Variants in IKBIP observed in about 807,000 individuals in gnomAD.
IKBIP encodes the protein IKBKB interacting protein, also known as inhibitor of nuclear factor kappa-B kinase-interacting protein.
In IKBIP, 28 loss-of-function variants were observed where a neutral mutation model predicts 31.0. The ratio of observed to expected loss-of-function variants is 0.90; its 90% CI spans 0.67 to 1.24. The LOEUF (loss-of-function observed/expected upper bound fraction) is 1.24. Ranked by LOEUF, IKBIP falls within the 50% of genes most tolerant of loss-of-function variation. The pLI is 0.00. For missense variants in IKBIP, 453 were observed against 441.9 expected (o/e 1.03, Z -0.23); for synonymous variants, 164 against 160.3 (o/e 1.02, Z -0.17).
At chr12:98,623,560 C>CTT (rs35433597), downstream of IKBIP, among the ~76,000 whole-genome samples, 4,523 of 63,212 alleles carry the variant, frequency 0.072, no homozygotes, top group East Asian at 0.087. Context: ...CCTCCTTACA[C>CTT]TTTTTTTTTT....
downstream of IKBIP, among the ~76,000 whole-genome samples, chr12:98,620,098 T>TA (rs1284346129): frequency 6.8e-6 from 1 of 146,458 alleles, no homozygotes; most frequent in Non-Finnish European, 1.5e-5. Context: ...TTTCTATTTT[T>TA]TTTTTTTTTT....
chr12:98,624,695 G>T lies in IKBIP; in HGVS notation c.*1235C>A. On this transcript the variant is annotated 3_prime_UTR_variant, in exon 3 of 3. Coordinates refer to ENST00000299157, the MANE Select transcript of IKBIP (RefSeq NM_153687.4). ...TTCATAAAACAAATTTAGTGGTGTG[G>T]TTTGGGAAATCTTTAAAATGACGTA... is the stretch of plus-strand genomic sequence containing the variant. 1 of 887,806 alleles carries T rather than the reference G, an allele frequency of 1.1e-6. No homozygotes were observed. The highest frequency in any genetic ancestry group is 1.3e-6 in the Non-Finnish European group (1 of 741,086). The allele number at this position is 887,806 out of a possible 1,614,324, so 55.0% of individuals were successfully genotyped here.
At chr12:98,639,114 C>T (rs1434374161) in intron 1 of IKBIP, among the ~76,000 whole-genome samples, 2 of 149,344 alleles carry the variant, frequency 1.3e-5, no homozygotes, top group East Asian at 4.0e-4. Context: ...GATCTCGGCT[C>T]ACTGCAACTT....
chr12:98,619,373 C>A (rs1039599197), downstream of IKBIP, among the ~76,000 whole-genome samples: 1 of 149,592 alleles, frequency 6.7e-6, no homozygotes, highest in Non-Finnish European at 1.5e-5. Context: ...ATGAGCTTAG[C>A]TTATTCTTAG....
At chr12:98,631,791 C>CAAAAAAAAAAAG (rs2097620373) in intron 2 of IKBIP, among the ~76,000 whole-genome samples, 1 of 81,788 alleles carries the variant, frequency 1.2e-5, no homozygotes, top group Non-Finnish European at 2.7e-5. Context: ...ACCTCCCCCA[C>CAAAAAAAAAAAG]AAAAAAAAAA....
At chr12:98,639,193 A>T (rs2097628409) in intron 1 of IKBIP, among the ~76,000 whole-genome samples, 1 of 152,190 alleles carries the variant, frequency 6.6e-6, no homozygotes, top group African/African-American at 2.4e-5. Context: ...GGTGCCCATC[A>T]ACAAGACCAG....
At chr12:98,621,651 G>C (rs2097610225), downstream of IKBIP, among the ~76,000 whole-genome samples, 1 of 152,184 alleles carries the variant, frequency 6.6e-6, no homozygotes, top group South Asian at 2.1e-4. Flanking sequence ...CAGTGTGACT[G>C]CAAGATTCCC....
In IKBIP at chr12:98,626,327, T is replaced by A. The variant is rs147717030; in HGVS notation, c.737A>T (p.His246Leu). ...ATCTTCATCTCTGGCAAAGAGGGCATGCTGTTCCTCTTCTAACTTTTCAAT... is the reference window on the plus strand; with the variant it reads ...ATCTTCATCTCTGGCAAAGAGGGCAAGCTGTTCCTCTTCTAACTTTTCAAT... ...KAIEKLEEEQHALFARDEDLT... is the reference protein window; with the variant it reads ...KAIEKLEEEQLALFARDEDLT... Residue 246 changes from histidine to leucine, a missense_variant, in exon 3 of 3, where the codon CAT (histidine) becomes CTT (leucine). Physicochemically the swap from His to Leu is moderately conservative, Grantham distance 99. Coordinates refer to ENST00000299157, the MANE Select transcript of IKBIP (RefSeq NM_153687.4). The A allele has an allele frequency of 6.7e-5, 108 of 1,614,036 alleles. No individual in the cohort carries two copies. The highest frequency in any genetic ancestry group is 8.2e-5 in the Non-Finnish European group (97 of 1,179,988).
downstream of IKBIP, among the ~76,000 whole-genome samples, chr12:98,619,365 G>A (rs2097608289): frequency 6.6e-6 from 1 of 150,640 alleles, no homozygotes; most frequent in African/African-American, 2.4e-5. Context: ...GTTGATGAAT[G>A]AGCTTAGCTT....
chr12:98,618,697 A>T (rs977779676), intron 2 of IKBIP, among the ~76,000 whole-genome samples: 1 of 151,116 alleles, frequency 6.6e-6, no homozygotes, highest in African/African-American at 2.4e-5. Flanking sequence ...TCCTGGCTCA[A>T]GTGATCCTCC....
chr12:98,630,061 C>T (rs907314377), intron 2 of IKBIP, among the ~76,000 whole-genome samples: 7 of 152,050 alleles, frequency 4.6e-5, no homozygotes, highest in African/African-American at 1.7e-4. Flanking sequence ...GCATAAGCCA[C>T]CACACCGGGT....
At chr12:98,614,016 T>C in exon 3 of IKBIP, 1 of 1,609,936 alleles carries the variant, frequency 6.2e-7, no homozygotes, top group South Asian at 1.1e-5. Flanking sequence ...ACTGTATTTT[T>C]TTCTACTTTC....
At chr12:98,636,442 G>C (rs1411492426) in intron 1 of IKBIP, among the ~76,000 whole-genome samples, 1 of 152,220 alleles carries the variant, frequency 6.6e-6, no homozygotes, top group East Asian at 1.9e-4. Context: ...AGACTTTTCT[G>C]AGTAAATGCA....
At position 98,635,928 on chromosome 12, in the gene IKBIP, A is replaced by G. The variant is rs528432054; in HGVS notation, c.180-1515T>C. On this transcript the variant is annotated intron_variant, in intron 1 of 2. Coordinates refer to ENST00000299157, the MANE Select transcript of IKBIP (RefSeq NM_153687.4). ...AGGTGTACTTGAGATGTCACTCTAAAATTGGAGTTTATTCTTCATTATGGG... is the reference window on the plus strand; with the variant it reads ...AGGTGTACTTGAGATGTCACTCTAAGATTGGAGTTTATTCTTCATTATGGG... 2.0e-5 allele frequency among the ~76,000 whole-genome samples: 3 copies of G among 152,342 alleles called. No individual in the cohort carries two copies. In the South Asian group the frequency reaches 6.2e-4, roughly 32 times the overall value.
chr12:98,643,831 T>C (rs1201471369), intron 1 of IKBIP, among the ~76,000 whole-genome samples: 2 of 151,214 alleles, frequency 1.3e-5, no homozygotes, highest in Non-Finnish European at 2.9e-5. Flanking sequence ...TTTTTTTTTT[T>C]TTGAGACGGA....
downstream of IKBIP, among the ~76,000 whole-genome samples, chr12:98,623,323 C>T (rs2097611518): frequency 6.6e-6 from 1 of 150,820 alleles, no homozygotes; most frequent in Non-Finnish European, 1.5e-5. Context: ...GCTCTGTCAC[C>T]CAGGCTGGGA....
At chr12:98,627,945 T>C (rs1013981278) in intron 2 of IKBIP, among the ~76,000 whole-genome samples, 4 of 152,160 alleles carry the variant, frequency 2.6e-5, no homozygotes, top group Non-Finnish European at 5.9e-5. Flanking sequence ...ACAAGTCAAA[T>C]TGAATGGTAA....
downstream of IKBIP, among the ~76,000 whole-genome samples, chr12:98,622,449 G>A (rs190328734): frequency 8.5e-4 from 130 of 152,204 alleles, 1 homozygote; most frequent in Middle Eastern, 3.4e-3. Flanking sequence ...TTGGGCCCAG[G>A]AAGTTGACAC....
Position 98,624,286 on chromosome 12 carries a change from G to C in IKBIP, c.*1644C>G. 4.1e-6 allele frequency: 4 copies of C among 971,346 alleles called. No homozygotes were observed. The highest frequency in any genetic ancestry group is 3.7e-6 in the Non-Finnish European group (3 of 817,184). The allele number at this position is 971,346 out of a possible 1,614,324, so 60.2% of individuals were successfully genotyped here. A position where few individuals can be genotyped will look rare whatever the true frequency, so the allele number is the denominator to read the frequency against. On this transcript the variant is annotated 3_prime_UTR_variant, in exon 3 of 3. Transcript: ENST00000299157. ...CTATTTTATTACCATTAATATAAAAGTAAACAAATAGAATTTTGTCAGTGC... is the reference window on the plus strand; with the variant it reads ...CTATTTTATTACCATTAATATAAAACTAAACAAATAGAATTTTGTCAGTGC...
Sources: gnomAD v4.1 joint callset for allele counts (sites outside exome capture counted in the v4.1 genomes callset) on GRCh38, gnomAD v4.1.1 for gene constraint, MANE v1.5 for transcripts, NCBI Gene and HGNC (gene_info 2026-07-23, HGNC 2026-07-21) for gene names.